Variants in TP53I13 observed in about 807,000 individuals in gnomAD.
The protein encoded by TP53I13 is tumor protein p53 inducible protein 13, also known as tumor protein p53-inducible protein 13.
In TP53I13, 27 loss-of-function variants were observed where a neutral mutation model predicts 39.1. That is an observed-to-expected ratio of 0.69 (90% confidence interval 0.51 to 0.95). The LOEUF (loss-of-function observed/expected upper bound fraction) is 0.95, where lower values mean the gene tolerates loss of function less well. Among genes scored for constraint, TP53I13 ranks in the 40% least tolerant of loss-of-function variants. TP53I13 has a pLI of 0.00. For missense variants in TP53I13, 544 were observed against 520.4 expected (o/e 1.05, Z -0.44); for synonymous variants, 230 against 224.6 (o/e 1.02, Z -0.22).
chr17:29,574,560 G>A, downstream of TP53I13: 1 of 766,712 alleles, frequency 1.3e-6, no homozygotes. Flanking sequence ...TGGGCACCAG[G>A]GCACCTGGCT....
At chr17:29,574,724 G>A, downstream of TP53I13, 1 of 1,613,328 alleles carries the variant, frequency 6.2e-7, no homozygotes, top group Non-Finnish European at 8.5e-7. Flanking sequence ...CTCTCGGGTG[G>A]TGATGGTGAC....
chr17:29,574,986 G>C, downstream of TP53I13: 1 of 1,484,664 alleles, frequency 6.7e-7, no homozygotes, highest in Non-Finnish European at 9.2e-7. Context: ...CAGTTTGTCT[G>C]TGTCTCCACC....
chr17:29,570,857 C>T (rs2032895825), intron 3 of TP53I13: 1 of 152,554 alleles, frequency 6.6e-6, no homozygotes, highest in Non-Finnish European at 1.5e-5. Context: ...GCTCCCTGCC[C>T]TCCTGCCATA....
downstream of TP53I13, chr17:29,575,257 C>T (rs369478533): frequency 1.9e-6 from 3 of 1,590,118 alleles, no homozygotes; most frequent in Non-Finnish European, 2.6e-6. The surrounding 1 kb of genome is among the most constrained non-coding windows in gnomAD (Gnocchi z 5.5). Flanking sequence ...ACAGGAACTG[C>T]ATCCCCCTCA....
chr17:29,572,436 C>G lies in TP53I13; in HGVS notation c.808C>G (p.Gln270Glu), dbSNP rs1333513336. Reference protein sequence around the residue: ...GGNASSRTEAQVPNGQGSPGG... With the variant: ...GGNASSRTEAEVPNGQGSPGG... ...CAATGCCAGCTCCAGGACAGAGGCT[C>G]AGGTGCCCAACGGGCAAGGCAGCCC... is the stretch of plus-strand genomic sequence containing the variant. The change falls in exon 6 of 7, where the codon CAG (glutamine) becomes GAG (glutamate). Residue 270 changes from glutamine (Q) to glutamate (E), a missense_variant. Gln to Glu is a conservative substitution (Grantham distance 29). Transcript: ENST00000301057. The G allele has an allele frequency of 8.9e-6, 14 of 1,580,850 alleles. No individual in the cohort carries two copies. Among genetic ancestry groups the G allele is most frequent in the Non-Finnish European group, 1.2e-5 (14 of 1,160,394 alleles).
At chr17:29,571,539 T>G (rs1253238511) in intron 3 of TP53I13, 52 bp from the exon 4 acceptor site, 1 of 1,603,522 alleles carries the variant, frequency 6.2e-7, no homozygotes, top group African/African-American at 1.3e-5. Context: ...GAACTTGAGA[T>G]TCTCTGGGAG....
At chr17:29,571,742 T>C in intron 4 of TP53I13, 23 bp downstream of exon 4, 1 of 1,613,998 alleles carries the variant, frequency 6.2e-7, no homozygotes, top group African/African-American at 1.3e-5. Context: ...TGAAAGGCGC[T>C]TGCCTGGCCC....
chr17:29,569,237 T>C (rs1160669646), intron 2 of TP53I13, 81 bp from the exon 3 acceptor site: 1 of 1,535,020 alleles, frequency 6.5e-7, no homozygotes, highest in Non-Finnish European at 8.9e-7. Flanking sequence ...AGCCTGGCGC[T>C]TGGGGCCTGC....
chr17:29,578,651 G>A, the TP53I13 span: 9 of 1,265,330 alleles, frequency 7.1e-6, no homozygotes, highest in African/African-American at 1.3e-4. Context: ...CGAGTCAGAG[G>A]CAGAGGAAGC....
At chr17:29,580,360 C>CT in the TP53I13 span, among the ~76,000 whole-genome samples, 3 of 152,216 alleles carry the variant, frequency 2.0e-5, no homozygotes, top group Non-Finnish European at 2.9e-5. Context: ...GGTTTAGGAT[C>CT]TGAGTCGCCC....
At chr17:29,572,767 C>T (rs938407773) in intron 6 of TP53I13, 45 bp from the exon 7 acceptor site, 1 of 1,505,110 alleles carries the variant, frequency 6.6e-7, no homozygotes, top group Admixed American at 2.1e-5. Flanking sequence ...CCCCCCGTAG[C>T]TTCCCTGCCC....
At chr17:29,577,582 C>T (rs2033257223), downstream of TP53I13, 11 of 1,076,004 alleles carry the variant, frequency 1.0e-5, no homozygotes, top group South Asian at 5.0e-5. Flanking sequence ...AGCCCACTGC[C>T]GGATGAGGAG....
At chr17:29,576,992 G>A, downstream of TP53I13, 1 of 1,603,464 alleles carries the variant, frequency 6.2e-7, no homozygotes, top group South Asian at 1.1e-5. Context: ...ACAGCTCGAG[G>A]TTGTCTGAGG....
chr17:29,567,040 G>A, upstream of TP53I13: 2 of 1,187,704 alleles, frequency 1.7e-6, no homozygotes, highest in Non-Finnish European at 2.1e-6. The surrounding 1 kb of genome is among the most constrained non-coding windows in gnomAD (Gnocchi z 6.6). Context: ...CTTTGCCCGC[G>A]GCTCCGCCCG....
At position 29,568,913 on chromosome 17, in the gene TP53I13, G is replaced by T; in HGVS notation, c.72+83G>T. ...AAGTTCGTCCTGGAAGGAGTGGCGCGCCGAGGGGGACGCGGAGTTCTTCCG... is the reference window on the plus strand; with the variant it reads ...AAGTTCGTCCTGGAAGGAGTGGCGCTCCGAGGGGGACGCGGAGTTCTTCCG... On this transcript the variant is annotated intron_variant, in intron 1 of 6. Transcript: ENST00000301057. The surrounding 1 kb of genome is among the most constrained non-coding windows in gnomAD (Gnocchi z 4.5). The T allele has an allele frequency of 6.3e-7, 1 of 1,596,246 alleles. No individual in the cohort carries two copies. Among genetic ancestry groups the T allele is most frequent in the Non-Finnish European group, 8.5e-7 (1 of 1,174,708 alleles).
chr17:29,577,551 T>C, downstream of TP53I13: 1 of 854,676 alleles, frequency 1.2e-6, no homozygotes, highest in Non-Finnish European at 2.0e-6. Context: ...TGGCAAATGC[T>C]GGAGAGCTGG....
At chr17:29,569,475 C>CAG in intron 3 of TP53I13, 116 bp downstream of exon 3, 1 of 1,015,914 alleles carries the variant, frequency 9.8e-7, no homozygotes, top group South Asian at 1.5e-5. Context: ...TTCCCTCAGG[C>CAG]AGAGGCAGGG....
intron 3 of TP53I13, 31 bp downstream of exon 3, chr17:29,569,390 G>C: frequency 6.2e-7 from 1 of 1,611,414 alleles, no homozygotes. Flanking sequence ...ACCACCCTTG[G>C]TGTCCACGCC....
At chr17:29,569,189 C>T in intron 2 of TP53I13, 103 bp downstream of exon 2, 1 of 1,471,792 alleles carries the variant, frequency 6.8e-7, no homozygotes. Flanking sequence ...AGGACCTCTG[C>T]CGGTTCCTCA....
Sources: gnomAD v4.1 joint callset for allele counts (sites outside exome capture counted in the v4.1 genomes callset) on GRCh38, gnomAD v4.1.1 for gene constraint, Gnocchi (gnomAD v3.1) non-coding constraint, MANE v1.5 for transcripts, NCBI Gene and HGNC (gene_info 2026-07-23, HGNC 2026-07-21) for gene names.